The following PRKG1 variants were observed in gnomAD, a reference collection of about 807,000 sequenced individuals.
PRKG1 encodes cGMP-dependent protein kinase 1.
PRKG1 carries 35 observed loss-of-function variants against 88.1 expected under a neutral mutation model. That is an observed-to-expected ratio of 0.40 (90% CI 0.30 to 0.53). The LOEUF is 0.53. Among genes scored for constraint, PRKG1 ranks in the 20% least tolerant of loss-of-function variants. PRKG1 has a pLI of 0.59. For synonymous variants in PRKG1, 303 were observed against 292.5 expected (o/e 1.04, Z -0.37); for missense variants, 540 against 839.8 (o/e 0.64, Z 4.41).
At chr10:51,538,174 G>A (rs1157528056) in intron 3 of PRKG1, among the ~76,000 whole-genome samples, 1 of 151,976 alleles carries the variant, frequency 6.6e-6, no homozygotes, top group Admixed American at 6.6e-5. Flanking sequence ...AAACAATAAT[G>A]TGTTTGTCCG....
At chr10:51,632,821 A>T (rs1459764472) in intron 3 of PRKG1, among the ~76,000 whole-genome samples, 1 of 152,208 alleles carries the variant, frequency 6.6e-6, no homozygotes, top group Admixed American at 6.5e-5. Context: ...GGTGAAATTA[A>T]TTTGGAATAT....
At chr10:51,505,199 C>T (rs1022955941) in intron 3 of PRKG1, among the ~76,000 whole-genome samples, 11 of 152,094 alleles carry the variant, frequency 7.2e-5, no homozygotes, top group Non-Finnish European at 1.5e-5. Flanking sequence ...TGAATTTTGT[C>T]AAAGGCCTTT....
chr10:51,233,074 G>A (rs1838889029), intron 2 of PRKG1, among the ~76,000 whole-genome samples: 1 of 152,168 alleles, frequency 6.6e-6, no homozygotes, highest in Non-Finnish European at 1.5e-5. Context: ...GAATATGCAA[G>A]ATACATATGC....
chr10:51,101,310 G>A (rs1228878727), intron 1 of PRKG1, among the ~76,000 whole-genome samples: 2 of 152,116 alleles, frequency 1.3e-5, no homozygotes, highest in Non-Finnish European at 2.9e-5. Context: ...ACAGGAAGAT[G>A]CCCATCTACA....
chr10:51,324,726 GC>G lies in PRKG1; in HGVS notation c.479-142996del, dbSNP rs368823908. Among the ~76,000 whole-genome samples the G allele has an allele frequency of 5.9e-4, 90 of 152,298 alleles. 1 individual carries two copies. In the South Asian group the frequency reaches 0.018, roughly 31 times the overall value. ...ACTGCACTCCAGCCTGGGCGACTGA[GC>G]GAGACTCCGTCTCAAAAAAAAAGAT... On this transcript the variant is annotated intron_variant, in intron 2 of 17. Transcript: ENST00000373980.
chr10:51,473,706 G>A (rs2132828107), intron 3 of PRKG1, among the ~76,000 whole-genome samples: 1 of 151,546 alleles, frequency 6.6e-6, no homozygotes, highest in South Asian at 2.1e-4. Context: ...ATGTTTTAAA[G>A]ATCACAGGTA....
intron 7 of PRKG1, among the ~76,000 whole-genome samples, chr10:52,115,332 G>T (rs1190323100): frequency 6.6e-6 from 1 of 151,988 alleles, no homozygotes; most frequent in Non-Finnish European, 1.5e-5. Context: ...AAGGACATTT[G>T]TGTAGTCGAT....
chr10:51,715,957 G>A (rs952899303), intron 3 of PRKG1, among the ~76,000 whole-genome samples: 1 of 152,198 alleles, frequency 6.6e-6, no homozygotes, highest in Non-Finnish European at 1.5e-5. Context: ...GGGATTATTA[G>A]GATGCCAAGC....
chr10:51,155,165 A>G (rs1246517056), intron 2 of PRKG1, among the ~76,000 whole-genome samples: 3 of 152,016 alleles, frequency 2.0e-5, no homozygotes, highest in Non-Finnish European at 4.4e-5. Flanking sequence ...TGTGGATTCA[A>G]TGTTCCTTCA....
At chr10:51,480,496 T>A (rs1378614169) in intron 3 of PRKG1, among the ~76,000 whole-genome samples, 1 of 152,030 alleles carries the variant, frequency 6.6e-6, no homozygotes, top group Non-Finnish European at 1.5e-5. Context: ...TTTTCAGAGT[T>A]CTTCAGGAAT....
chr10:51,243,920 T>G (rs1351434995), intron 2 of PRKG1, among the ~76,000 whole-genome samples: 1 of 152,178 alleles, frequency 6.6e-6, no homozygotes, highest in South Asian at 2.1e-4. Flanking sequence ...ACTGCTTTGG[T>G]AAATAAATTA....
chr10:51,082,721 A>ATT (rs34372133), intron 1 of PRKG1, among the ~76,000 whole-genome samples: 274 of 148,304 alleles, frequency 1.8e-3, no homozygotes, highest in African/African-American at 6.1e-3. Context: ...GCATAGCTGG[A>ATT]TTTTTTTTTT....
At chr10:51,367,561 CTA>C (rs1463591342) in intron 2 of PRKG1, among the ~76,000 whole-genome samples, 2 of 152,002 alleles carry the variant, frequency 1.3e-5, no homozygotes, top group East Asian at 3.9e-4. Context: ...GTGATAGATA[CTA>C]TGTTTTCCTT....
intron 3 of PRKG1, among the ~76,000 whole-genome samples, chr10:51,518,687 G>A (rs944065235): frequency 6.6e-6 from 1 of 152,184 alleles, no homozygotes; most frequent in Admixed American, 6.5e-5. Flanking sequence ...GGAAATAGAA[G>A]CAAGAAATAC....
At chr10:52,183,305 A>G (rs1839093829) in intron 9 of PRKG1, among the ~76,000 whole-genome samples, 1 of 152,148 alleles carries the variant, frequency 6.6e-6, no homozygotes, top group Non-Finnish European at 1.5e-5. Context: ...GGACAGAGTC[A>G]TTTATGCAAG....
intron 2 of PRKG1, among the ~76,000 whole-genome samples, chr10:51,457,761 C>T (rs531364597): frequency 4.3e-4 from 65 of 152,238 alleles, no homozygotes; most frequent in African/African-American, 1.5e-3. Flanking sequence ...GCTCTTCTTA[C>T]GCATTAGTCT....
chr10:52,230,178 G>T (rs1189026817), intron 9 of PRKG1, among the ~76,000 whole-genome samples: 1 of 152,178 alleles, frequency 6.6e-6, no homozygotes, highest in Non-Finnish European at 1.5e-5. Context: ...ATATTCATAT[G>T]TGCCTACATT....
intron 3 of PRKG1, among the ~76,000 whole-genome samples, chr10:51,740,736 T>A (rs1246679207): frequency 6.6e-6 from 1 of 152,194 alleles, no homozygotes. Flanking sequence ...GACCACACTT[T>A]GAGAACTGAT....
intron 3 of PRKG1, among the ~76,000 whole-genome samples, chr10:51,716,352 T>TA (rs1296040206): frequency 6.6e-6 from 1 of 152,216 alleles, no homozygotes; most frequent in Non-Finnish European, 1.5e-5. Context: ...CAGTCAAACA[T>TA]AACATTCTCT....
Sources: gnomAD v4.1 joint callset for allele counts (sites outside exome capture counted in the v4.1 genomes callset) on GRCh38, gnomAD v4.1.1 for gene constraint, MANE v1.5 for transcripts, NCBI Gene and HGNC (gene_info 2026-07-23, HGNC 2026-07-21) for gene names.